Variants in OXTR observed in about 807,000 individuals in gnomAD.
OXTR encodes oxytocin receptor.
OXTR carries 19 observed loss-of-function variants against 23.9 expected under a neutral mutation model. The observed-to-expected ratio is 0.80, with a 90% CI of 0.56 to 1.17. The LOEUF (loss-of-function observed/expected upper bound fraction) is 1.17, where lower values mean the gene tolerates loss of function less well. OXTR is among the 50% of genes most tolerant of loss of function. The probability of loss-of-function intolerance (pLI) is 0.00; values close to 1 mark genes in which losing one functional copy is unlikely to be tolerated. For missense variants in OXTR, 500 were observed against 550.7 expected, an observed-to-expected ratio of 0.91 and a Z score of 0.92; for synonymous variants, 278 against 250.5, an observed-to-expected ratio of 1.11 and a Z score of -1.04.
chr3:8,767,956 T>A lies in OXTR; in HGVS notation c.232A>T (p.Met78Leu). 6.2e-7 allele frequency: 1 copy of A among 1,613,096 alleles called. No individual in the cohort carries two copies. Among genetic ancestry groups the A allele is most frequent in the Non-Finnish European group, 8.5e-7 (1 of 1,179,692 alleles). Residue 78 changes from methionine (M) to leucine (L), a missense_variant, in exon 3 of 4, where the codon ATG (methionine) becomes TTG (leucine). Physicochemically the swap from Met to Leu is conservative, Grantham distance 15. Coordinates refer to ENST00000316793, the MANE Select transcript of OXTR (RefSeq NM_000916.4). Reference sequence around the variant, plus strand: ...AGGTCGGCGATGCTTAGGTGCTTCATGAAGAAGAAGAGGCGCGAGTGCTTC... The same window carrying A: ...AGGTCGGCGATGCTTAGGTGCTTCAAGAAGAAGAAGAGGCGCGAGTGCTTC... ...RQKHSRLFFFMKHLSIADLVV... is the reference protein window; with the variant it reads ...RQKHSRLFFFLKHLSIADLVV...
chr3:8,767,300 C>T lies in OXTR; in HGVS notation c.888G>A (p.Met296Ile). ...GCGCGTTGGCATCCCAGACGCTCCA[C>T]ATCTGCACGAAGAAGAAAGGCGTCC... ...VCWTPFFFVQ[M>I]WSVWDANAPK... is the part of the protein sequence containing the mutation. Residue 296 changes from methionine (M) to isoleucine (I), a missense_variant, in exon 3 of 4, where the codon ATG (methionine) becomes ATA (isoleucine). By Grantham distance (10) the Met-to-Ile change is conservative (BLOSUM62 1). Coordinates refer to ENST00000316793, the MANE Select transcript of OXTR (RefSeq NM_000916.4). 1 of 1,589,486 alleles carries T rather than the reference C, an allele frequency of 6.3e-7. No individual in the cohort carries two copies. Among genetic ancestry groups the T allele is most frequent in the Non-Finnish European group, 8.6e-7 (1 of 1,169,302 alleles).
chr3:8,745,059 G>C, the OXTR span: 3 of 166,286 alleles, frequency 1.8e-5, no homozygotes, highest in African/African-American at 7.2e-5. This position sits in a 1 kb window ranked among gnomAD's most constrained non-coding sequence, Gnocchi z 4.8. Flanking sequence ...TGGAGGTGGG[G>C]CCGGGTGGGA....
chr3:8,762,024 C>T (rs981287941), intron 3 of OXTR, among the ~76,000 whole-genome samples: 2 of 152,178 alleles, frequency 1.3e-5, no homozygotes, highest in African/African-American at 4.8e-5. Context: ...TGTGGGGTTG[C>T]CTTTGCTTCC....
chr3:8,758,352 G>A (rs1033875261), intron 3 of OXTR, among the ~76,000 whole-genome samples: 30 of 152,230 alleles, frequency 2.0e-4, no homozygotes, highest in African/African-American at 6.0e-4. Flanking sequence ...CTACCGGCAC[G>A]TTTCATATGA....
chr3:8,761,827 T>C (rs1708493593), intron 3 of OXTR, among the ~76,000 whole-genome samples: 1 of 152,156 alleles, frequency 6.6e-6, no homozygotes, highest in African/African-American at 2.4e-5. Context: ...GTTATCCCCA[T>C]TGCTCAGATG....
chr3:8,764,157 A>G (rs1352484724), intron 3 of OXTR, among the ~76,000 whole-genome samples: 1 of 147,474 alleles, frequency 6.8e-6, no homozygotes, highest in Non-Finnish European at 1.5e-5. Flanking sequence ...GGGCCACCAC[A>G]TCTACAGCCA....
downstream of OXTR, chr3:8,746,707 T>C (rs1270533646): frequency 6.6e-6 from 1 of 151,936 alleles, no homozygotes; most frequent in African/African-American, 2.4e-5. Flanking sequence ...AGGAACAAGG[T>C]CTAATTTGTG....
In OXTR at chr3:8,767,672, C is replaced by T. The variant is rs751224912; in HGVS notation, c.516G>A (p.Val172=). 6.2e-7 allele frequency: 1 copy of T among 1,611,554 alleles called. No individual in the cohort carries two copies. The highest frequency in any genetic ancestry group is 1.7e-5 in the Admixed American group (1 of 59,896). The change falls in exon 3 of 4, where the codon GTG becomes GTA. Residue 172 remains valine, a synonymous_variant. Transcript: ENST00000316793. ...LGCLVASAPQ[V]HIFSLREVAD... is the part of the protein sequence containing the mutation. The stretch of plus-strand genomic sequence containing the variant: ...CCACCTCGCGCAGAGAGAAGATGTG[C>T]ACCTGCGGCGCGCTGGCCACCAGGC...
chr3:8,744,658 G>A, the OXTR span, among the ~76,000 whole-genome samples: 1 of 152,036 alleles, frequency 6.6e-6, no homozygotes, highest in Admixed American at 6.6e-5. Context: ...TGCATAGCAG[G>A]GCTCGAGAGA....
chr3:8,746,015 A>G, downstream of OXTR: 1 of 639,830 alleles, frequency 1.6e-6, no homozygotes. Context: ...TAGGGAAGCC[A>G]GAAAGAAAAG....
rs1245805512 is a variant in OXTR, at chr3:8,769,496, G to C, written c.-504C>G. ...GCGGACAGCGTCTGGATGCGGCGCT[G>C]TGCGCTGGGGCTGAGGCTGCACTAT... On this transcript the variant is annotated 5_prime_UTR_variant, in exon 1 of 4. Transcript: ENST00000316793. 6.6e-6 allele frequency: 1 copy of C among 152,478 alleles called. No homozygotes were observed. The highest frequency in any genetic ancestry group is 1.9e-4 in the East Asian group (1 of 5,170). 9.4% of individuals were successfully genotyped at this position (152,478 alleles called of 1,614,324 possible).
At chr3:8,745,576 C>T (rs759446749), downstream of OXTR, 15 of 1,614,002 alleles carry the variant, frequency 9.3e-6, no homozygotes, top group South Asian at 6.6e-5. This position sits in a 1 kb window ranked among gnomAD's most constrained non-coding sequence, Gnocchi z 4.8. Flanking sequence ...ACAGCTTTGA[C>T]GGCGTGTGGA....
intron 3 of OXTR, among the ~76,000 whole-genome samples, chr3:8,764,910 T>C (rs1161489853): frequency 1.3e-5 from 2 of 152,206 alleles, no homozygotes; most frequent in African/African-American, 4.8e-5. Context: ...CCCTGGGTTT[T>C]TCATGCAACA....
At chr3:8,747,026 TC>T (rs1403162873), downstream of OXTR, among the ~76,000 whole-genome samples, 1 of 151,926 alleles carries the variant, frequency 6.6e-6, no homozygotes, top group Non-Finnish European at 1.5e-5. Context: ...TAAACCAGTA[TC>T]CCCCCAATCC....
At chr3:8,759,116 A>G (rs966569873) in intron 3 of OXTR, among the ~76,000 whole-genome samples, 5 of 152,190 alleles carry the variant, frequency 3.3e-5, no homozygotes, top group Non-Finnish European at 5.9e-5. Flanking sequence ...CTTCCTTCCA[A>G]CTAGCTCAAA....
At chr3:8,744,377 T>C in the OXTR span, among the ~76,000 whole-genome samples, 13 of 151,356 alleles carry the variant, frequency 8.6e-5, no homozygotes, top group Admixed American at 7.9e-4. Flanking sequence ...CTCCCGGGTT[T>C]ATGCCGTTCT....
downstream of OXTR, chr3:8,746,102 G>A: frequency 2.0e-6 from 1 of 508,296 alleles, no homozygotes; most frequent in Non-Finnish European, 3.5e-6. Context: ...CTGGGCGTGG[G>A]GGAAGATCAT....
chr3:8,755,327 T>C (rs17049515), intron 3 of OXTR, among the ~76,000 whole-genome samples: 1,732 of 152,280 alleles, frequency 0.011, 27 homozygotes, highest in African/African-American at 0.039. Flanking sequence ...GGGAAGGACA[T>C]AGGTGTATAA....
intron 3 of OXTR, among the ~76,000 whole-genome samples, chr3:8,765,120 G>GT (rs1457269271): frequency 6.6e-6 from 1 of 152,210 alleles, no homozygotes; most frequent in Non-Finnish European, 1.5e-5. Context: ...GTGTGTGTCT[G>GT]TTTTTTCCTC....
Sources: gnomAD v4.1 joint callset for allele counts (sites outside exome capture counted in the v4.1 genomes callset) on GRCh38, gnomAD v4.1.1 for gene constraint, Gnocchi (gnomAD v3.1) non-coding constraint, MANE v1.5 for transcripts, NCBI Gene and HGNC (gene_info 2026-07-23, HGNC 2026-07-21) for gene names.